PRKG1: variants seen among roughly 807,000 people sequenced by gnomAD.
PRKG1 encodes protein kinase cGMP-dependent 1.
PRKG1 carries 35 observed loss-of-function variants against 88.1 expected under a neutral mutation model. That is an observed-to-expected ratio of 0.40 (90% confidence interval 0.30 to 0.53). The LOEUF is 0.53. Among genes scored for constraint, PRKG1 ranks in the 20% least tolerant of loss-of-function variants. The pLI, the probability that PRKG1 is intolerant of heterozygous loss-of-function variation, is 0.59. For synonymous variants in PRKG1, 303 were observed against 292.5 expected, an observed-to-expected ratio of 1.04 and a Z score of -0.37; for missense variants, 540 against 839.8, an observed-to-expected ratio of 0.64 and a Z score of 4.41.
intron 3 of PRKG1, among the ~76,000 whole-genome samples, chr10:51,492,706 A>G (rs1298951836): frequency 6.6e-6 from 1 of 152,186 alleles, no homozygotes; most frequent in Non-Finnish European, 1.5e-5. Flanking sequence ...ATGCCTTAAT[A>G]TCCTTAAACG....
At chr10:51,176,131 C>T (rs1011051291) in intron 2 of PRKG1, among the ~76,000 whole-genome samples, 4 of 151,994 alleles carry the variant, frequency 2.6e-5, no homozygotes, top group African/African-American at 4.8e-5. Context: ...ATACAAACTA[C>T]GATTGAAATT....
rs577802470 is a variant in PRKG1 at position 51,243,742 on chromosome 10, C to G, written c.478+90412C>G. On this transcript the variant is annotated intron_variant, in intron 2 of 17. Transcript: ENST00000373980. The stretch of plus-strand genomic sequence containing the variant: ...GTGAACAAGGACTATGGGCCTGATG[C>G]CAAGACTTAAATGCACCTGGAAATG... Among the ~76,000 whole-genome samples the G allele has an allele frequency of 1.3e-5, 2 of 152,198 alleles. 1 individual carries two copies. Among genetic ancestry groups the G allele is most frequent in the South Asian group, 4.1e-4 (2 of 4,822 alleles).
intron 3 of PRKG1, among the ~76,000 whole-genome samples, chr10:51,588,190 C>T (rs1468155413): frequency 6.6e-6 from 1 of 152,140 alleles, no homozygotes; most frequent in African/African-American, 2.4e-5. Context: ...GCCATTGCCC[C>T]AGGCATTGAG....
intron 3 of PRKG1, among the ~76,000 whole-genome samples, chr10:51,632,140 T>C (rs1321649161): frequency 6.6e-6 from 1 of 152,060 alleles, no homozygotes; most frequent in Non-Finnish European, 1.5e-5. Context: ...CAATCGTTAG[T>C]ATTAATGTAC....
intron 1 of PRKG1, among the ~76,000 whole-genome samples, chr10:50,997,077 T>A (rs1842843699): frequency 6.6e-6 from 1 of 152,186 alleles, no homozygotes; most frequent in Admixed American, 6.5e-5. Flanking sequence ...GAGGTGGTAG[T>A]GTCTTGATTT....
At chr10:52,132,263 A>G (rs1589634563) in intron 7 of PRKG1, among the ~76,000 whole-genome samples, 1 of 152,168 alleles carries the variant, frequency 6.6e-6, no homozygotes, top group Admixed American at 6.5e-5. Flanking sequence ...TAGAATCCCA[A>G]GGTGGGTGTT....
intron 1 of PRKG1, among the ~76,000 whole-genome samples, chr10:51,146,623 G>A (rs764093002): frequency 1.9e-4 from 29 of 151,918 alleles, no homozygotes; most frequent in Non-Finnish European, 3.2e-4. Flanking sequence ...ATGCTTTTGA[G>A]GTCTTATTCT....
chr10:51,952,063 C>T (rs1265881252), intron 5 of PRKG1, among the ~76,000 whole-genome samples: 1 of 152,168 alleles, frequency 6.6e-6, no homozygotes, highest in African/African-American at 2.4e-5. Context: ...CTATTTACAA[C>T]AGAAACTGGC....
intron 3 of PRKG1, among the ~76,000 whole-genome samples, chr10:51,495,670 T>C (rs1029520618): frequency 6.6e-6 from 1 of 152,232 alleles, no homozygotes; most frequent in African/African-American, 2.4e-5. Flanking sequence ...GCTTGTCACT[T>C]ATTCTCTCAA....
intron 6 of PRKG1, among the ~76,000 whole-genome samples, chr10:52,057,882 C>CA (rs1846146789): frequency 6.6e-6 from 1 of 151,776 alleles, no homozygotes; most frequent in African/African-American, 2.4e-5. Context: ...CTCTGAGAAA[C>CA]ATTTTTTTTA....
chr10:52,216,731 C>T (rs779775452), intron 9 of PRKG1, among the ~76,000 whole-genome samples: 3 of 151,922 alleles, frequency 2.0e-5, no homozygotes, highest in East Asian at 1.9e-4. Flanking sequence ...GGTTTTGGTG[C>T]GGTTTTTTAA....
At chr10:52,034,287 G>T (rs1265960750) in intron 5 of PRKG1, among the ~76,000 whole-genome samples, 6 of 141,020 alleles carry the variant, frequency 4.3e-5, no homozygotes, top group African/African-American at 1.6e-4. Flanking sequence ...TTTGGGTGGT[G>T]GTATGGAGAG....
intron 2 of PRKG1, among the ~76,000 whole-genome samples, chr10:51,269,418 T>C (rs549676902): frequency 2.6e-5 from 4 of 152,312 alleles, no homozygotes; most frequent in African/African-American, 7.2e-5. Context: ...TGCACATGCA[T>C]GTTTATAGCA....
chr10:51,045,740 T>A (rs1843481249), intron 1 of PRKG1, among the ~76,000 whole-genome samples: 2 of 152,238 alleles, frequency 1.3e-5, no homozygotes, highest in Admixed American at 1.3e-4. Context: ...TGTTATGTCA[T>A]AAAATATTTT....
chr10:51,594,893 G>A (rs61851494), intron 3 of PRKG1, among the ~76,000 whole-genome samples: 8,328 of 152,156 alleles, frequency 0.055, 343 homozygotes, highest in Middle Eastern at 0.088. Context: ...AACCAAAAAG[G>A]CATAGGCTGG....
chr10:51,180,868 A>G (rs1012587410), intron 2 of PRKG1, among the ~76,000 whole-genome samples: 1 of 152,152 alleles, frequency 6.6e-6, no homozygotes, highest in Non-Finnish European at 1.5e-5. Flanking sequence ...TTAGAATGTA[A>G]GGCAGATTAT....
intron 6 of PRKG1, among the ~76,000 whole-genome samples, chr10:52,061,756 A>T (rs1480471000): frequency 6.6e-6 from 1 of 152,114 alleles, no homozygotes; most frequent in African/African-American, 2.4e-5. Context: ...TGTAATTTAT[A>T]TATCTTTAGA....
intron 3 of PRKG1, among the ~76,000 whole-genome samples, chr10:51,575,737 T>C (rs984170082): frequency 6.6e-6 from 1 of 151,872 alleles, no homozygotes; most frequent in Non-Finnish European, 1.5e-5. Context: ...CTAGAACTTT[T>C]CTTCAACTCC....
chr10:51,100,839 C>T (rs1322030794), intron 1 of PRKG1, among the ~76,000 whole-genome samples: 2 of 152,140 alleles, frequency 1.3e-5, no homozygotes, highest in Non-Finnish European at 2.9e-5. Flanking sequence ...GCAAGAAGAA[C>T]TATACTCTGG....
Sources: gnomAD v4.1 joint callset for allele counts (sites outside exome capture counted in the v4.1 genomes callset) on GRCh38, gnomAD v4.1.1 for gene constraint, MANE v1.5 for transcripts, NCBI Gene and HGNC (gene_info 2026-07-23, HGNC 2026-07-21) for gene names.